Variants in CLEC16A observed in about 807,000 individuals in gnomAD.
CLEC16A encodes C-type lectin domain containing 16A.
In CLEC16A, 51 loss-of-function variants were observed where a neutral mutation model predicts 109.5. The ratio of observed to expected loss-of-function variants is 0.47; its 90% CI spans 0.37 to 0.59. The LOEUF (loss-of-function observed/expected upper bound fraction) is 0.59, where lower values mean the gene tolerates loss of function less well. Among genes scored for constraint, CLEC16A ranks in the 20% least tolerant of loss-of-function variants. The probability of loss-of-function intolerance (pLI) is 0.00; values close to 1 mark genes in which losing one functional copy is unlikely to be tolerated. For synonymous variants in CLEC16A, 673 were observed against 564.2 expected, an observed-to-expected ratio of 1.19 and a Z score of -2.73; for missense variants, 1,339 against 1,394.0, an observed-to-expected ratio of 0.96 and a Z score of 0.63.
intron 23 of CLEC16A, among the ~76,000 whole-genome samples, chr16:11,168,448 T>A (rs1238062311): frequency 6.6e-6 from 1 of 152,202 alleles, no homozygotes; most frequent in African/African-American, 2.4e-5. Context: ...GAGACAAGTG[T>A]GTAGGTCCCC....
chr16:11,046,733 A>G (rs2047653705), intron 16 of CLEC16A, among the ~76,000 whole-genome samples: 1 of 152,228 alleles, frequency 6.6e-6, no homozygotes, highest in African/African-American at 2.4e-5. Context: ...ATCAGAACCA[A>G]GACTATGCCC....
intron 22 of CLEC16A, among the ~76,000 whole-genome samples, chr16:11,134,459 G>T (rs1249388779): frequency 6.6e-6 from 1 of 152,132 alleles, no homozygotes; most frequent in Non-Finnish European, 1.5e-5. Flanking sequence ...AGACTGCAGA[G>T]CTCACATGAG....
chr16:10,959,592 A>G (rs1406185792), intron 2 of CLEC16A, among the ~76,000 whole-genome samples: 1 of 152,042 alleles, frequency 6.6e-6, no homozygotes, highest in Non-Finnish European at 1.5e-5. Flanking sequence ...GTGTTTCGCC[A>G]TGTTGGCCAG....
At chr16:10,987,103 G>T (rs1039818743) in intron 10 of CLEC16A, among the ~76,000 whole-genome samples, 1 of 151,862 alleles carries the variant, frequency 6.6e-6, no homozygotes, top group Non-Finnish European at 1.5e-5. Flanking sequence ...TGATCTGCCC[G>T]TCTTAGCCTC....
At chr16:10,955,797 G>T (rs1408586336) in intron 1 of CLEC16A, among the ~76,000 whole-genome samples, 2 of 152,146 alleles carry the variant, frequency 1.3e-5, no homozygotes, top group African/African-American at 4.8e-5. Flanking sequence ...TCACTGGCAG[G>T]GTGTCAGGCA....
At chr16:10,993,454 G>A (rs1213337708) in intron 10 of CLEC16A, among the ~76,000 whole-genome samples, 1 of 152,184 alleles carries the variant, frequency 6.6e-6, no homozygotes, top group Non-Finnish European at 1.5e-5. Flanking sequence ...GAAAGAGAGC[G>A]AGGTGGTGTT....
intron 3 of CLEC16A, among the ~76,000 whole-genome samples, chr16:10,967,711 T>C (rs2042579143): frequency 6.6e-6 from 1 of 152,242 alleles, no homozygotes; most frequent in South Asian, 2.1e-4. Flanking sequence ...CTCTTACCAC[T>C]ACTTCATGAG....
chr16:11,151,829 G>A (rs2054301991), intron 22 of CLEC16A, among the ~76,000 whole-genome samples: 1 of 152,222 alleles, frequency 6.6e-6, no homozygotes, highest in African/African-American at 2.4e-5. Context: ...GGGGGGCGGG[G>A]GCCGGCTGGG....
chr16:11,075,426 GTA>G (rs1555478928), intron 19 of CLEC16A, among the ~76,000 whole-genome samples: 1,916 of 141,596 alleles, frequency 0.014, 15 homozygotes, highest in Middle Eastern at 0.022. Flanking sequence ...GTGTGTGTGT[GTA>G]TGTGTGTGTG....
At chr16:11,151,448 CAT>C (rs763027194) in intron 22 of CLEC16A, among the ~76,000 whole-genome samples, 7 of 152,232 alleles carry the variant, frequency 4.6e-5, no homozygotes, top group Non-Finnish European at 1.0e-4. Context: ...GTCCTCTGCA[CAT>C]ATGTGTGCGC....
intron 22 of CLEC16A, among the ~76,000 whole-genome samples, chr16:11,164,063 G>A (rs1188386150): frequency 6.6e-6 from 1 of 152,112 alleles, no homozygotes; most frequent in African/African-American, 2.4e-5. Flanking sequence ...GTTTGCCATA[G>A]TTCATCTGAG....
At chr16:11,172,782 G>A (rs573883626) in intron 23 of CLEC16A, among the ~76,000 whole-genome samples, 116 of 152,162 alleles carry the variant, frequency 7.6e-4, no homozygotes, top group African/African-American at 2.6e-3. Context: ...CCAGCTACTC[G>A]GGAGGCTGAG....
At chr16:10,991,142 G>C in intron 10 of CLEC16A, among the ~76,000 whole-genome samples, 1 of 152,128 alleles carries the variant, frequency 6.6e-6, no homozygotes, top group Admixed American at 6.5e-5. Context: ...CACGTTAGAT[G>C]TGAGAAGCCC....
intron 10 of CLEC16A, among the ~76,000 whole-genome samples, chr16:10,986,265 C>T (rs1227451895): frequency 6.6e-6 from 1 of 151,644 alleles, no homozygotes; most frequent in African/African-American, 2.4e-5. Context: ...CTCCTGACCT[C>T]GTGATCCACC....
chr16:11,067,354 G>T (rs908003223), intron 19 of CLEC16A, among the ~76,000 whole-genome samples: 2 of 60,304 alleles, frequency 3.3e-5, no homozygotes, highest in African/African-American at 8.9e-5. Context: ...AGCAGGTGAC[G>T]GGGTTTAACC....
At position 11,116,787 on chromosome 16, in the gene CLEC16A, G is replaced by A. The variant is rs183126376; in HGVS notation, c.2117-3828G>A. ...GTTACCCTTCTCCTCCCCTAATAAA[G>A]TTGAGCCAAATATCTGGTTAATGTG... On this transcript the variant is annotated intron_variant, in intron 19 of 23. Transcript: ENST00000409790. 1.2e-3 allele frequency among the ~76,000 whole-genome samples: 178 copies of A among 152,248 alleles called. 1 individual carries two copies. The highest frequency in any genetic ancestry group is 4.2e-3 in the African/African-American group (176 of 41,564).
intron 22 of CLEC16A, among the ~76,000 whole-genome samples, chr16:11,145,882 A>T (rs1275864963): frequency 6.6e-6 from 1 of 152,154 alleles, no homozygotes; most frequent in African/African-American, 2.4e-5. Flanking sequence ...ACTCAGATGA[A>T]AGCCAAAGTC....
chr16:11,009,509 C>T (rs2045266411), intron 11 of CLEC16A, among the ~76,000 whole-genome samples: 1 of 152,204 alleles, frequency 6.6e-6, no homozygotes, highest in Non-Finnish European at 1.5e-5. Context: ...ATTTGAGTTC[C>T]TGCTCCCAGC....
Position 11,020,255 on chromosome 16 carries a change from C to T in CLEC16A, c.1366C>T (p.Gln456Ter). ...AGAGCTGGCCGCCAGCACCTCCGTG[C>T]AGGAGCAGAACACCACGGACGAGGA... ...LSELAASTSVQEQNTTDEEKS... is the reference protein window; with the variant it reads ...LSELAASTSV The change falls in exon 12 of 24, where the codon CAG (glutamine) becomes TAG (stop). Residue 456 changes from glutamine (Q) to a stop codon, truncating the protein, a stop_gained. Coordinates refer to ENST00000409790, the MANE Select transcript of CLEC16A (RefSeq NM_015226.3). LOFTEE classifies it high-confidence loss of function. The T allele has an allele frequency of 6.2e-7, 1 of 1,613,836 alleles. No homozygotes were observed. The highest frequency in any genetic ancestry group is 2.2e-5 in the East Asian group (1 of 44,868).
Sources: gnomAD v4.1 joint callset for allele counts (sites outside exome capture counted in the v4.1 genomes callset) on GRCh38, gnomAD v4.1.1 for gene constraint, MANE v1.5 for transcripts, NCBI Gene and HGNC (gene_info 2026-07-23, HGNC 2026-07-21) for gene names.